NFIL3: variants seen among roughly 807,000 people sequenced by gnomAD.
NFIL3 encodes the protein nuclear factor interleukin-3-regulated protein.
Under a neutral mutation model 10.0 loss-of-function variants are expected in NFIL3, and 5 were observed. That is an observed-to-expected ratio of 0.50 (90% CI 0.26 to 1.06). The LOEUF (loss-of-function observed/expected upper bound fraction) is 1.06, where lower values mean the gene tolerates loss of function less well. NFIL3 is among the 50% of genes least tolerant of loss of function. The pLI is 0.13. For missense variants in NFIL3, 436 were observed against 547.6 expected (o/e 0.80, Z 2.03); for synonymous variants, 202 against 206.5 (o/e 0.98, Z 0.19).
intron 1 of NFIL3, 101 bp downstream of exon 1, chr9:91,423,539 C>G (rs944753011): frequency 6.7e-6 from 1 of 150,372 alleles, no homozygotes; most frequent in Non-Finnish European, 1.5e-5. Flanking sequence ...CAGCCCGACC[C>G]CGCACACAGC....
chr9:91,409,247 T>G lies in NFIL3; in HGVS notation c.*99A>C. The G allele has an allele frequency of 8.9e-7, 1 of 1,122,132 alleles. No homozygotes were observed. Among genetic ancestry groups the G allele is most frequent in the Non-Finnish European group, 1.3e-6 (1 of 792,152 alleles). 69.5% of individuals were successfully genotyped at this position (1,122,132 alleles called of 1,614,324 possible). A position where few individuals can be genotyped will look rare whatever the true frequency, so the allele number is the denominator to read the frequency against. Reference sequence around the variant, plus strand: ...ACAACATGTGCACATCACAGTGAAATGACATCACAGGTCCAGTGAAAATTC... The same window carrying G: ...ACAACATGTGCACATCACAGTGAAAGGACATCACAGGTCCAGTGAAAATTC... On this transcript the variant is annotated 3_prime_UTR_variant, in exon 2 of 2. Transcript: ENST00000297689.
chr9:91,410,916 A>G lies in NFIL3; in HGVS notation c.-172-10T>C, dbSNP rs1028614571. ...GGGCCTCCTTCGTTATCTGCAATAC[A>G]TGAATAAAAAAAAAACCAGTTATTC... On this transcript the variant is annotated splice_polypyrimidine_tract_variant and intron_variant, in intron 1 of 1. Coordinates refer to ENST00000297689, the MANE Select transcript of NFIL3 (RefSeq NM_005384.3). This position sits in a 1 kb window ranked among gnomAD's most constrained non-coding sequence, Gnocchi z 5.7. 1 of 534,698 alleles carries G rather than the reference A, an allele frequency of 1.9e-6. No homozygotes were observed. Among genetic ancestry groups the G allele is most frequent in the East Asian group, 3.1e-5 (1 of 32,480 alleles). The allele number at this position is 534,698 out of a possible 1,614,324, so 33.1% of individuals were successfully genotyped here. A position where few individuals can be genotyped will look rare whatever the true frequency, so the allele number is the denominator to read the frequency against.
chr9:91,474,859 T>C, the NFIL3 span, among the ~76,000 whole-genome samples: 2 of 152,174 alleles, frequency 1.3e-5, no homozygotes, highest in Admixed American at 1.3e-4. Flanking sequence ...ACAACTTCAT[T>C]TACAAAATGG....
chr9:91,479,654 C>T, the NFIL3 span, among the ~76,000 whole-genome samples: 1 of 152,164 alleles, frequency 6.6e-6, no homozygotes, highest in Non-Finnish European at 1.5e-5. Flanking sequence ...GGGGAGTGAA[C>T]AGTTCTGTCT....
the NFIL3 span, among the ~76,000 whole-genome samples, chr9:91,434,334 A>G: frequency 1.3e-5 from 2 of 152,166 alleles, no homozygotes; most frequent in African/African-American, 2.4e-5. Flanking sequence ...AGCCTCCCCA[A>G]GTAGATATCA....
the NFIL3 span, among the ~76,000 whole-genome samples, chr9:91,459,106 T>G: frequency 6.6e-6 from 1 of 152,314 alleles, no homozygotes; most frequent in South Asian, 2.1e-4. Flanking sequence ...GGGCTGTTAG[T>G]CTGAGTTACT....
the NFIL3 span, among the ~76,000 whole-genome samples, chr9:91,455,761 A>T: frequency 6.6e-6 from 1 of 152,156 alleles, no homozygotes; most frequent in East Asian, 1.9e-4. Context: ...ATTCAAGTTA[A>T]CCCATTTATG....
the NFIL3 span, among the ~76,000 whole-genome samples, chr9:91,453,444 T>C: frequency 6.6e-6 from 1 of 152,206 alleles, no homozygotes; most frequent in African/African-American, 2.4e-5. Context: ...CTCATAAGCC[T>C]TTGTCTTATT....
At chr9:91,472,247 G>A in the NFIL3 span, among the ~76,000 whole-genome samples, 1 of 152,088 alleles carries the variant, frequency 6.6e-6, no homozygotes, top group Non-Finnish European at 1.5e-5. Context: ...TTGAATGTTG[G>A]CCTGCCTAGC....
At chr9:91,470,999 G>T in the NFIL3 span, among the ~76,000 whole-genome samples, 1 of 152,202 alleles carries the variant, frequency 6.6e-6, no homozygotes, top group Non-Finnish European at 1.5e-5. Flanking sequence ...ATATACTGTT[G>T]ATTTGGGGTG....
chr9:91,422,219 T>C (rs1833783909), intron 1 of NFIL3, among the ~76,000 whole-genome samples: 1 of 152,166 alleles, frequency 6.6e-6, no homozygotes, highest in Non-Finnish European at 1.5e-5. Flanking sequence ...TTCCTAAAAA[T>C]ACAATCTTAT....
Position 91,409,147 on chromosome 9 carries a change from T to A in NFIL3, c.*199A>T. ...ATATATACAGCCTTCGCATGGACTA[T>A]CTGACTATACACAGGCAGAGTGATA... is the stretch of plus-strand genomic sequence containing the variant. On this transcript the variant is annotated 3_prime_UTR_variant, in exon 2 of 2. Coordinates refer to ENST00000297689, the MANE Select transcript of NFIL3 (RefSeq NM_005384.3). 1 of 543,236 alleles carries A rather than the reference T, an allele frequency of 1.8e-6. No individual in the cohort carries two copies. Among genetic ancestry groups the A allele is most frequent in the Non-Finnish European group, 3.2e-6 (1 of 315,274 alleles). 33.7% of individuals were successfully genotyped at this position (543,236 alleles called of 1,614,324 possible). A position where few individuals can be genotyped will look rare whatever the true frequency, so the allele number is the denominator to read the frequency against.
the NFIL3 span, among the ~76,000 whole-genome samples, chr9:91,456,659 T>C: frequency 1.3e-5 from 2 of 152,138 alleles, no homozygotes; most frequent in Non-Finnish European, 2.9e-5. Context: ...CTTTTCATTT[T>C]CTTGGCAATG....
chr9:91,481,987 A>G, the NFIL3 span, among the ~76,000 whole-genome samples: 1 of 152,232 alleles, frequency 6.6e-6, no homozygotes, highest in Non-Finnish European at 1.5e-5. Context: ...ATTTGCTTAA[A>G]AGTGAGAAAA....
the NFIL3 span, among the ~76,000 whole-genome samples, chr9:91,451,062 A>G: frequency 6.6e-6 from 1 of 152,128 alleles, no homozygotes; most frequent in Admixed American, 6.5e-5. Flanking sequence ...CCTCAAGAAA[A>G]CGTTCTTTTT....
the NFIL3 span, among the ~76,000 whole-genome samples, chr9:91,448,768 G>A: frequency 5.9e-4 from 35 of 59,106 alleles, no homozygotes; most frequent in East Asian, 0.02. Flanking sequence ...TCCCTTTCTA[G>A]AAAAAAAGGT....
the NFIL3 span, among the ~76,000 whole-genome samples, chr9:91,475,592 TA>T: frequency 6.6e-6 from 1 of 151,966 alleles, no homozygotes; most frequent in Non-Finnish European, 1.5e-5. Flanking sequence ...AAGAAGATGC[TA>T]AAAAAAGATT....
chr9:91,444,097 A>G, the NFIL3 span, among the ~76,000 whole-genome samples: 3 of 152,144 alleles, frequency 2.0e-5, no homozygotes, highest in Non-Finnish European at 4.4e-5. Flanking sequence ...CATAAGTCCA[A>G]CAGGCTTTCT....
the NFIL3 span, among the ~76,000 whole-genome samples, chr9:91,478,012 A>G: frequency 6.8e-3 from 1,040 of 152,122 alleles, 10 homozygotes; most frequent in African/African-American, 0.023. Flanking sequence ...TTCTGCAGAG[A>G]GATTTGCTGT....
Sources: gnomAD v4.1 joint callset for allele counts (sites outside exome capture counted in the v4.1 genomes callset) on GRCh38, gnomAD v4.1.1 for gene constraint, Gnocchi (gnomAD v3.1) non-coding constraint, MANE v1.5 for transcripts, NCBI Gene and HGNC (gene_info 2026-07-23, HGNC 2026-07-21) for gene names.